ARHGEF28: variants seen among roughly 807,000 people sequenced by gnomAD.
ARHGEF28 encodes 190 kDa guanine nucleotide exchange factor.
ARHGEF28 carries 152 observed loss-of-function variants against 206.6 expected under a neutral mutation model. That is an observed-to-expected ratio of 0.74 (90% CI 0.64 to 0.84). The LOEUF (loss-of-function observed/expected upper bound fraction) is 0.84. Ranked by LOEUF, ARHGEF28 falls within the 40% of genes least tolerant of loss-of-function variation. The probability of loss-of-function intolerance (pLI) is 0.00; values close to 1 mark genes in which losing one functional copy is unlikely to be tolerated. For synonymous variants in ARHGEF28, 763 were observed against 776.4 expected, an observed-to-expected ratio of 0.98 and a Z score of 0.29; for missense variants, 2,028 against 2,073.2, an observed-to-expected ratio of 0.98 and a Z score of 0.42.
chr5:73,709,126 T>A (rs182426323), intron 2 of ARHGEF28, among the ~76,000 whole-genome samples: 1 of 152,328 alleles, frequency 6.6e-6, no homozygotes, highest in East Asian at 1.9e-4. Flanking sequence ...TGTCATACGT[T>A]TGTAATACAG....
intron 2 of ARHGEF28, among the ~76,000 whole-genome samples, chr5:73,731,973 C>A (rs1028921707): frequency 6.6e-6 from 1 of 150,942 alleles, no homozygotes; most frequent in Admixed American, 6.6e-5. Flanking sequence ...TAGCCTCCCC[C>A]AGTATCCACA....
intron 16 of ARHGEF28, among the ~76,000 whole-genome samples, chr5:73,861,940 A>G (rs1270123074): frequency 1.3e-5 from 2 of 152,172 alleles, no homozygotes; most frequent in African/African-American, 4.8e-5. Flanking sequence ...TATGATACAT[A>G]CAGTCTCTGC....
At chr5:73,772,585 A>G (rs1022128989) in intron 4 of ARHGEF28, among the ~76,000 whole-genome samples, 1 of 151,918 alleles carries the variant, frequency 6.6e-6, no homozygotes, top group African/African-American at 2.4e-5. Context: ...TACCACATTC[A>G]CCAGGCTGGT....
At chr5:73,893,665 A>G (rs575316306) in intron 28 of ARHGEF28, among the ~76,000 whole-genome samples, 1 of 152,316 alleles carries the variant, frequency 6.6e-6, no homozygotes, top group African/African-American at 2.4e-5. Flanking sequence ...TGTGTGAAAG[A>G]AGGAGATTAG....
At chr5:73,846,181 A>T in intron 11 of ARHGEF28, 87 bp from the exon 12 acceptor site, 5 of 1,204,058 alleles carry the variant, frequency 4.2e-6, no homozygotes, top group Non-Finnish European at 5.9e-6. Context: ...CGCCCCAGTG[A>T]AAGAATCTGG....
intron 9 of ARHGEF28, among the ~76,000 whole-genome samples, chr5:73,802,866 A>G (rs1318366163): frequency 7.9e-6 from 1 of 126,820 alleles, no homozygotes; most frequent in African/African-American, 3.2e-5. Context: ...AGCAAGCTCG[A>G]TTGCTGTGTG....
chr5:73,704,525 A>G (rs975349357), intron 2 of ARHGEF28, among the ~76,000 whole-genome samples: 1 of 152,072 alleles, frequency 6.6e-6, no homozygotes, highest in Non-Finnish European at 1.5e-5. Flanking sequence ...CCCATGTTGA[A>G]GTGATTCTCC....
In ARHGEF28 at chr5:73,825,549, G is replaced by A. The variant is rs367842994; in HGVS notation, c.1025-6789G>A. Among the ~76,000 whole-genome samples the A allele has an allele frequency of 8.0e-4, 122 of 152,282 alleles. 1 individual carries two copies. In the South Asian group the frequency reaches 0.024, roughly 30 times the overall value. ...ATGAGATGGGAAGCCATTGGAGAACGTTGCAGAGGCATGACGTGACTCGAT... is the reference window on the plus strand; with the variant it reads ...ATGAGATGGGAAGCCATTGGAGAACATTGCAGAGGCATGACGTGACTCGAT... On this transcript the variant is annotated intron_variant, in intron 9 of 35. Coordinates refer to ENST00000513042, the MANE Select transcript of ARHGEF28 (RefSeq NM_001177693.2).
intron 25 of ARHGEF28, chr5:73,887,360 G>C: frequency 3.0e-6 from 1 of 328,784 alleles, no homozygotes; most frequent in Non-Finnish European, 5.5e-6. Flanking sequence ...TTTTTCTTCT[G>C]TTTTGAAAGT....
intron 35 of ARHGEF28, among the ~76,000 whole-genome samples, chr5:73,913,184 A>C (rs1461024497): frequency 1.3e-5 from 2 of 152,240 alleles, no homozygotes; most frequent in Non-Finnish European, 2.9e-5. Context: ...TTGTATGTCC[A>C]GAGTAGGCCA....
At chr5:73,678,067 C>T (rs1746814239) in intron 1 of ARHGEF28, among the ~76,000 whole-genome samples, 1 of 152,182 alleles carries the variant, frequency 6.6e-6, no homozygotes, top group South Asian at 2.1e-4. Context: ...AGCCATGTGG[C>T]TCTGCAAGTG....
intron 2 of ARHGEF28, among the ~76,000 whole-genome samples, chr5:73,695,033 T>G (rs1242788708): frequency 3.9e-5 from 6 of 152,164 alleles, no homozygotes; most frequent in Non-Finnish European, 8.8e-5. Context: ...CTCTCTGGGA[T>G]CTCCTGGAGA....
chr5:73,644,199 G>A (rs1353781863), intron 1 of ARHGEF28, among the ~76,000 whole-genome samples: 7 of 148,996 alleles, frequency 4.7e-5, no homozygotes, highest in Non-Finnish European at 4.5e-5. Flanking sequence ...GGACCACTCA[G>A]TATGTAGCTC....
chr5:73,904,562 GT>G (rs1355414320), intron 33 of ARHGEF28, 157 bp downstream of exon 33: 1 of 772,934 alleles, frequency 1.3e-6, no homozygotes. Flanking sequence ...GACTCACATG[GT>G]TTTGTAATCA....
At chr5:73,737,671 C>G (rs965676967) in intron 2 of ARHGEF28, among the ~76,000 whole-genome samples, 1 of 151,804 alleles carries the variant, frequency 6.6e-6, no homozygotes, top group African/African-American at 2.4e-5. Flanking sequence ...GCTGCCACCA[C>G]GTCCAGCTAA....
chr5:73,711,032 T>C (rs781757942), intron 2 of ARHGEF28, among the ~76,000 whole-genome samples: 4 of 152,188 alleles, frequency 2.6e-5, no homozygotes, highest in Non-Finnish European at 4.4e-5. Context: ...GTAGTTCAAT[T>C]GTTCCAGCAC....
intron 2 of ARHGEF28, among the ~76,000 whole-genome samples, chr5:73,685,418 G>A (rs933011681): frequency 1.3e-5 from 2 of 152,176 alleles, no homozygotes; most frequent in South Asian, 4.1e-4. Context: ...TAACAGGGAA[G>A]TGAACAGATT....
At chr5:73,777,698 G>A (rs912521787) in intron 6 of ARHGEF28, among the ~76,000 whole-genome samples, 4 of 152,128 alleles carry the variant, frequency 2.6e-5, no homozygotes, top group Non-Finnish European at 5.9e-5. Flanking sequence ...AGGGAATTTG[G>A]TGTGTAATTT....
At chr5:73,734,277 A>T (rs942357076) in intron 2 of ARHGEF28, among the ~76,000 whole-genome samples, 3 of 152,194 alleles carry the variant, frequency 2.0e-5, no homozygotes, top group African/African-American at 7.2e-5. Flanking sequence ...ACAGGTTGGG[A>T]TGAGATGGCC....
Sources: gnomAD v4.1 joint callset for allele counts (sites outside exome capture counted in the v4.1 genomes callset) on GRCh38, gnomAD v4.1.1 for gene constraint, MANE v1.5 for transcripts, NCBI Gene and HGNC (gene_info 2026-07-23, HGNC 2026-07-21) for gene names.